TERT: variants seen among roughly 807,000 people sequenced by gnomAD.
TERT encodes the protein telomerase reverse transcriptase.
In TERT, 42 loss-of-function variants were observed where a neutral mutation model predicts 104.0. The observed-to-expected ratio is 0.40, with a 90% CI of 0.32 to 0.52. The LOEUF is 0.52. Ranked by LOEUF, TERT falls within the 20% of genes least tolerant of loss-of-function variation. TERT has a pLI of 0.43. For missense variants in TERT, 1,101 were observed against 1,610.3 expected (o/e 0.68, Z 5.41); for synonymous variants, 781 against 725.6 (o/e 1.08, Z -1.23).
At chr5:1,291,944 A>T (rs1316478798) in intron 2 of TERT, among the ~76,000 whole-genome samples, 1 of 152,204 alleles carries the variant, frequency 6.6e-6, no homozygotes, top group Non-Finnish European at 1.5e-5. Flanking sequence ...GGCGTGGTCC[A>T]CCTGAGCCGC....
chr5:1,260,616 G>A lies in TERT; in HGVS notation c.2844-16C>T. On this transcript the variant is annotated splice_polypyrimidine_tract_variant and intron_variant, in intron 11 of 15. Transcript: ENST00000310581. ...CCGGGCATAGCTGAGACACAGGGGG[G>A]AATGTCAGACACAGGTGCCTGCCCC... The A allele has an allele frequency of 6.2e-7, 1 of 1,613,308 alleles. No individual in the cohort carries two copies.
Position 1,293,454 on chromosome 5 carries a change from A to G in TERT, c.1432T>C (p.Trp478Arg). Residue 478 changes from tryptophan (W) to arginine (R), a missense_variant, in exon 2 of 16, where the codon TGG becomes CGG. By Grantham distance (101) the Trp-to-Arg change is moderately radical. Coordinates refer to ENST00000310581, the MANE Select transcript of TERT (RefSeq NM_198253.3). ...CLRRLVPPGL[W>R]GSRHNERRFL... ...CGGCGTTCGTTGTGCCTGGAGCCCCAGAGGCCTGGGGGCACCAGCCGGCGC... is the reference window on the plus strand; with the variant it reads ...CGGCGTTCGTTGTGCCTGGAGCCCCGGAGGCCTGGGGGCACCAGCCGGCGC... 1 of 1,610,648 alleles carries G rather than the reference A, an allele frequency of 6.2e-7. No homozygotes were observed. The highest frequency in any genetic ancestry group is 8.5e-7 in the Non-Finnish European group (1 of 1,179,140).
rs1214948965 is a variant in TERT at position 1,289,419 on chromosome 5, C to T, written c.1573+3894G>A. ...TGCACGTGACAGGGACACCCGGGGACGGCGCCTCACTCACCCTACACGTGA... is the reference window on the plus strand; with the variant it reads ...TGCACGTGACAGGGACACCCGGGGATGGCGCCTCACTCACCCTACACGTGA... On this transcript the variant is annotated intron_variant, in intron 2 of 15. Transcript: ENST00000310581. Among the ~76,000 whole-genome samples, 6 of 119,072 alleles carry T rather than the reference C, an allele frequency of 5.0e-5. No homozygotes were observed. In the East Asian group the frequency reaches 8.4e-4, roughly 17 times the overall value. The allele number at this position is 119,072 out of a possible 152,430, so 78.1% of individuals were successfully genotyped here. A position where few individuals can be genotyped will look rare whatever the true frequency, so the allele number is the denominator to read the frequency against.
intron 5 of TERT, 89 bp from the exon 6 acceptor site, chr5:1,278,885 C>T (rs1428322798): frequency 1.3e-6 from 2 of 1,565,204 alleles, no homozygotes; most frequent in African/African-American, 1.3e-5. Flanking sequence ...GGCGGTGTCC[C>T]CCACTCTCTC....
chr5:1,272,238 C>A lies in TERT; in HGVS notation c.2329G>T (p.Val777Leu). 2 of 1,612,868 alleles carry A rather than the reference C, an allele frequency of 1.2e-6. No homozygotes were observed. The highest frequency in any genetic ancestry group is 1.7e-6 in the Non-Finnish European group (2 of 1,179,874). Residue 777 changes from valine (V) to leucine (L), a missense_variant, in exon 7 of 16, where the codon GTG becomes TTG. Coordinates refer to ENST00000310581, the MANE Select transcript of TERT (RefSeq NM_198253.3). ...TDLQPYMRQF[V>L]AHLQETSPLR... ...GGGCTGGTCTCCTGCAGGTGAGCCACGAACTGTCGCATGTACGGCTGGAGG... is the reference window on the plus strand; with the variant it reads ...GGGCTGGTCTCCTGCAGGTGAGCCAAGAACTGTCGCATGTACGGCTGGAGG...
At chr5:1,258,919 AATGCCCACAGAGAGGGGAGGTGGACGCAG>A in intron 12 of TERT, among the ~76,000 whole-genome samples, 1 of 147,024 alleles carries the variant, frequency 6.8e-6, no homozygotes, top group Admixed American at 6.7e-5. Flanking sequence ...AGTGGACGCA[AATGCCCACAGAGAGGGGAGGTGGACGCAG>A]ATGCCCACAG....
At chr5:1,280,105 G>A in intron 4 of TERT, 53 bp downstream of exon 4, 1 of 1,607,614 alleles carries the variant, frequency 6.2e-7, no homozygotes, top group Non-Finnish European at 8.5e-7. Context: ...TACCAAATGT[G>A]GGGCTCAAAC....
chr5:1,278,637 T>G lies in TERT; in HGVS notation c.2286+4A>C. 1 of 1,613,886 alleles carries G rather than the reference T, an allele frequency of 6.2e-7. No homozygotes were observed. The highest frequency in any genetic ancestry group is 1.1e-5 in the South Asian group (1 of 90,856). On this transcript the variant is annotated splice_donor_region_variant and intron_variant, in intron 6 of 15. Coordinates refer to ENST00000310581, the MANE Select transcript of TERT (RefSeq NM_198253.3). Reference sequence around the variant, plus strand: ...TGGACACGACTATCACACGTGAACCTTACGTGGCTCTTGAAGGCCTTGCGG... The same window carrying G: ...TGGACACGACTATCACACGTGAACCGTACGTGGCTCTTGAAGGCCTTGCGG...
chr5:1,279,408 C>T lies in TERT; in HGVS notation c.2013G>A (p.Arg671=), dbSNP rs34625402. The T allele has an allele frequency of 1.0e-5, 16 of 1,553,114 alleles. No homozygotes were observed. In the East Asian group the frequency reaches 3.9e-4, roughly 38 times the overall value. The change falls in exon 5 of 16, where the codon CGG becomes CGA. Residue 671 remains arginine (R), a synonymous_variant. Transcript: ENST00000310581. Reference sequence around the variant, plus strand: ...CAGAGGCGCCCAGGAGGCCGGGGCGCCGCGCCCGCTCGTAGTTGAGCACGC... The same window carrying T: ...CAGAGGCGCCCAGGAGGCCGGGGCGTCGCGCCCGCTCGTAGTTGAGCACGC... The part of the protein sequence containing the change: ...LFSVLNYERA[R]RPGLLGASVL...
In TERT at chr5:1,288,277, G is replaced by A. The variant is rs1162897690; in HGVS notation, c.1573+5036C>T. On this transcript the variant is annotated intron_variant, in intron 2 of 15. Transcript: ENST00000310581. This position sits in a 1 kb window ranked among gnomAD's most constrained non-coding sequence, Gnocchi z 5.3. ...ACATCAAAACACAGGGTGCAGGTAA[G>A]GCAGCACTTAGAGGGAAAGGCATGA... Among the ~76,000 whole-genome samples the A allele has an allele frequency of 6.6e-6, 1 of 152,160 alleles. No homozygotes were observed. Among genetic ancestry groups the A allele is most frequent in the Non-Finnish European group, 1.5e-5 (1 of 68,038 alleles).
intron 3 of TERT, among the ~76,000 whole-genome samples, chr5:1,281,230 T>C (rs1750002256): frequency 6.6e-6 from 1 of 152,246 alleles, no homozygotes; most frequent in African/African-American, 2.4e-5. Context: ...AGGTGCATTG[T>C]GTATTAACTT....
Position 1,263,003 on chromosome 5 carries a change from G to A in TERT, c.2843+1401C>T, listed in dbSNP as rs958934080. On this transcript the variant is annotated intron_variant, in intron 11 of 15. Coordinates refer to ENST00000310581, the MANE Select transcript of TERT (RefSeq NM_198253.3). The surrounding 1 kb of genome is among the most constrained non-coding windows in gnomAD (Gnocchi z 5.3). ...GAGAGGGAAGCAGGGACTGTGGGGA[G>A]CACAGGAGACCGGCATCCTTGTGGG... 2.6e-5 allele frequency among the ~76,000 whole-genome samples: 4 copies of A among 152,326 alleles called. No homozygotes were observed. The highest frequency in any genetic ancestry group is 1.3e-4 in the Admixed American group (2 of 15,302).
rs1250546868 is a variant in TERT at position 1,270,836 on chromosome 5, C to T, written c.2468+283G>A. Among the ~76,000 whole-genome samples, 1 of 152,230 alleles carries T rather than the reference C, an allele frequency of 6.6e-6. No homozygotes were observed. Among genetic ancestry groups the T allele is most frequent in the East Asian group, 1.9e-4 (1 of 5,190 alleles). Reference sequence around the variant, plus strand: ...TCGGCGCACACCTGACCCAGACACACCCCCCGCCCCTCGTCCTCCACGCAG... The same window carrying T: ...TCGGCGCACACCTGACCCAGACACATCCCCCGCCCCTCGTCCTCCACGCAG... On this transcript the variant is annotated intron_variant, in intron 8 of 15. Transcript: ENST00000310581. The surrounding 1 kb of genome is among the most constrained non-coding windows in gnomAD (Gnocchi z 8.3).
At position 1,287,656 on chromosome 5, in the gene TERT, C is replaced by T. The variant is rs148696458; in HGVS notation, c.1574-5032G>A. The stretch of plus-strand genomic sequence containing the variant: ...GACATAGAAGTCTCCAAAAGATTCA[C>T]TCATCAGGAAGATAAAAATTCTACC... On this transcript the variant is annotated intron_variant, in intron 2 of 15. Coordinates refer to ENST00000310581, the MANE Select transcript of TERT (RefSeq NM_198253.3). This position sits in a 1 kb window ranked among gnomAD's most constrained non-coding sequence, Gnocchi z 4.3. Among the ~76,000 whole-genome samples the T allele has an allele frequency of 4.8e-3, 732 of 152,052 alleles. 5 individuals are homozygous for T. Among genetic ancestry groups the T allele is most frequent in the African/African-American group, 0.017 (699 of 41,470 alleles).
chr5:1,294,158 G>T lies in TERT; in HGVS notation c.728C>A (p.Ala243Asp). Residue 243 changes from alanine (A) to aspartate (D), a missense_variant, in exon 2 of 16, where the codon GCC (alanine) becomes GAC (aspartate). Physicochemically the swap from Ala to Asp is moderately radical, Grantham distance 126. Transcript: ENST00000310581. ...AACGGGCGTCCGCTCCGGCTCAGGG[G>T]CAGCGCCACGCCTGGGCCTCTTGGG... ...PLPKRPRRGAAPEPERTPVGQ... is the reference protein window; with the variant it reads ...PLPKRPRRGADPEPERTPVGQ... 1.3e-6 allele frequency: 2 copies of T among 1,580,632 alleles called. No individual in the cohort carries two copies. Among genetic ancestry groups the T allele is most frequent in the Non-Finnish European group, 1.7e-6 (2 of 1,166,604 alleles).
rs1419020388 is a variant in TERT at position 1,265,154 on chromosome 5, C to T, written c.2655-562G>A. On this transcript the variant is annotated intron_variant, in intron 10 of 15. Coordinates refer to ENST00000310581, the MANE Select transcript of TERT (RefSeq NM_198253.3). This position sits in a 1 kb window ranked among gnomAD's most constrained non-coding sequence, Gnocchi z 6.9. Reference sequence around the variant, plus strand: ...CAGCTTCACGTCAAGGAGGTTCCCTCGCCGAGTCATGAGCCTCGCTCACCC... The same window carrying T: ...CAGCTTCACGTCAAGGAGGTTCCCTTGCCGAGTCATGAGCCTCGCTCACCC... Among the ~76,000 whole-genome samples the T allele has an allele frequency of 1.3e-5, 2 of 152,176 alleles. No individual in the cohort carries two copies. Among genetic ancestry groups the T allele is most frequent in the Admixed American group, 1.3e-4 (2 of 15,290 alleles).
intron 7 of TERT, 131 bp downstream of exon 7, chr5:1,272,054 C>A: frequency 1.2e-6 from 1 of 814,138 alleles, no homozygotes. Context: ...GCTCATCATG[C>A]CCCCATCACA....
At position 1,264,637 on chromosome 5, in the gene TERT, C is replaced by T. The variant is rs368164589; in HGVS notation, c.2655-45G>A. Reference sequence around the variant, plus strand: ...TCAGCCCCAGGATGCGGGGCCGTCACCCAGGAGGTAACCTGACACCCTTGT... The same window carrying T: ...TCAGCCCCAGGATGCGGGGCCGTCATCCAGGAGGTAACCTGACACCCTTGT... On this transcript the variant is annotated intron_variant, in intron 10 of 15. Transcript: ENST00000310581. 3.1e-6 allele frequency: 5 copies of T among 1,606,104 alleles called. No individual in the cohort carries two copies. The South Asian group carries it at 3.3e-5, about 11-fold the overall frequency.
In TERT at chr5:1,280,317, C is replaced by T. The variant is rs377106279; in HGVS notation, c.1791G>A (p.Gln597=). 4 of 1,613,288 alleles carry T rather than the reference C, an allele frequency of 2.5e-6. No homozygotes were observed. Among genetic ancestry groups the T allele is most frequent in the African/African-American group, 2.7e-5 (2 of 74,938 alleles). ...CCTCTGCTTCCGACAGCTCCCGCAGCTGCACCCTCTTCAAGTGCTGTCTGC... is the reference window on the plus strand; with the variant it reads ...CCTCTGCTTCCGACAGCTCCCGCAGTTGCACCCTCTTCAAGTGCTGTCTGC... ...IGIRQHLKRV[Q]LRELSEAEVR... Residue 597 remains glutamine (Q), a synonymous_variant, in exon 4 of 16, where the codon CAG becomes CAA. Transcript: ENST00000310581.
Sources: gnomAD v4.1 joint callset for allele counts (sites outside exome capture counted in the v4.1 genomes callset) on GRCh38, gnomAD v4.1.1 for gene constraint, Gnocchi (gnomAD v3.1) non-coding constraint, MANE v1.5 for transcripts, NCBI Gene and HGNC (gene_info 2026-07-23, HGNC 2026-07-21) for gene names.